NAV3: variants seen among roughly 807,000 people sequenced by gnomAD.
NAV3 encodes neuron navigator 3.
A neutral mutation model predicts 244.7 loss-of-function variants in NAV3; 87 were observed. The observed-to-expected ratio is 0.36, with a 90% confidence interval of 0.30 to 0.42. The LOEUF is 0.42. Among genes scored for constraint, NAV3 ranks in the 20% least tolerant of loss-of-function variants. The pLI, the probability that NAV3 is intolerant of heterozygous loss-of-function variation, is 1.00. For missense variants in NAV3, 2,663 were observed against 2,893.3 expected (o/e 0.92, Z 1.83); for synonymous variants, 1,126 against 1,042.2 (o/e 1.08, Z -1.55).
chr12:78,181,685 G>T (rs1958504376), intron 30 of NAV3, among the ~76,000 whole-genome samples: 1 of 151,986 alleles, frequency 6.6e-6, no homozygotes, highest in Non-Finnish European at 1.5e-5. Context: ...CAAGGATAGA[G>T]AATTTAGTCT....
intron 2 of NAV3, among the ~76,000 whole-genome samples, chr12:77,727,460 C>T (rs1876928422): frequency 6.6e-6 from 1 of 151,750 alleles, no homozygotes; most frequent in Admixed American, 6.6e-5. Context: ...GAATCATTGA[C>T]CCCTTTTTGT....
At chr12:78,090,954 C>CTCTGTG (rs1302532736) in intron 12 of NAV3, among the ~76,000 whole-genome samples, 5 of 142,560 alleles carry the variant, frequency 3.5e-5, no homozygotes, top group African/African-American at 1.3e-4. Flanking sequence ...GTGCTGTATT[C>CTCTGTG]TGTGTGTGTG....
intron 12 of NAV3, among the ~76,000 whole-genome samples, chr12:78,103,436 C>A (rs1370029841): frequency 1.3e-5 from 2 of 152,184 alleles, no homozygotes; most frequent in African/African-American, 4.8e-5. Context: ...AACTTTCCCA[C>A]ATTTTCCTGT....
intron 2 of NAV3, among the ~76,000 whole-genome samples, chr12:77,619,767 G>T (rs756161536): frequency 2.7e-5 from 4 of 148,582 alleles, no homozygotes; most frequent in African/African-American, 4.9e-5. Context: ...TGTGTCTCAC[G>T]TTTTTTTTTT....
chr12:77,713,164 G>A (rs182228806), intron 2 of NAV3, among the ~76,000 whole-genome samples: 116 of 152,256 alleles, frequency 7.6e-4, no homozygotes, highest in East Asian at 2.5e-3. Context: ...TGCTCTGTGC[G>A]TTTGCACATT....
chr12:77,789,749 G>T (rs61935809), intron 2 of NAV3, among the ~76,000 whole-genome samples: 276 of 148,934 alleles, frequency 1.9e-3, no homozygotes, highest in Non-Finnish European at 2.7e-3. Context: ...GGCGGACGTT[G>T]CAGTGAGCTG....
chr12:77,831,221 G>GAGAA lies in NAV3; in HGVS notation c.-238_-237insAAGA, dbSNP rs1873637731. On this transcript the variant is annotated 5_prime_UTR_variant, in exon 1 of 40. Coordinates refer to ENST00000397909, the MANE Select transcript of NAV3 (RefSeq NM_001024383.2). The stretch of plus-strand genomic sequence containing the variant: ...AGAGAGAGAGAGAGAGAGAGAGAAA[G>GAGAA]AGAGAGAGAGAGAGAATGAGAATGA... The GAGAA allele has an allele frequency of 1.8e-4, 43 of 234,420 alleles. No homozygotes were observed. Among genetic ancestry groups the GAGAA allele is most frequent in the Middle Eastern group, 1.5e-3 (1 of 682 alleles). 14.5% of individuals were successfully genotyped at this position (234,420 alleles called of 1,614,324 possible). A position where few individuals can be genotyped will look rare whatever the true frequency, so the allele number is the denominator to read the frequency against.
intron 2 of NAV3, among the ~76,000 whole-genome samples, chr12:77,679,286 C>T (rs927737529): frequency 3.3e-5 from 5 of 151,956 alleles, no homozygotes; most frequent in South Asian, 2.1e-4. Flanking sequence ...GGAAACAACA[C>T]GAAGGATAGG....
chr12:78,172,724 G>A (rs1958055978), intron 24 of NAV3, among the ~76,000 whole-genome samples: 1 of 151,484 alleles, frequency 6.6e-6, no homozygotes, highest in African/African-American at 2.4e-5. Context: ...GTTCCTTTAT[G>A]GAACTAATGT....
intron 12 of NAV3, among the ~76,000 whole-genome samples, chr12:78,075,554 G>A (rs933548543): frequency 1.3e-5 from 2 of 152,126 alleles, no homozygotes; most frequent in African/African-American, 4.8e-5. Context: ...GGATTTGGGG[G>A]TTATGGAGTC....
chr12:77,644,649 T>C (rs1872546113), intron 2 of NAV3, among the ~76,000 whole-genome samples: 1 of 152,138 alleles, frequency 6.6e-6, no homozygotes, highest in South Asian at 2.1e-4. Flanking sequence ...TACTGTGTCT[T>C]GGCTTTTCCT....
At chr12:78,096,389 C>G (rs1000504595) in intron 12 of NAV3, among the ~76,000 whole-genome samples, 1 of 152,102 alleles carries the variant, frequency 6.6e-6, no homozygotes, top group Non-Finnish European at 1.5e-5. Flanking sequence ...TATAAAAGCT[C>G]TCTGTTTGAG....
intron 1 of NAV3, among the ~76,000 whole-genome samples, chr12:77,937,099 G>A (rs796484202): frequency 4.6e-5 from 7 of 152,192 alleles, no homozygotes; most frequent in African/African-American, 1.7e-4. Context: ...AAGTATGGAA[G>A]ACACAGCTGT....
intron 2 of NAV3, among the ~76,000 whole-genome samples, chr12:77,699,348 A>G (rs1406195409): frequency 1.1e-4 from 16 of 152,112 alleles, no homozygotes; most frequent in Non-Finnish European, 7.4e-5. Flanking sequence ...TGATTCCCCA[A>G]TGAAATCTTG....
intron 2 of NAV3, among the ~76,000 whole-genome samples, chr12:77,672,115 TAAA>T (rs1182199773): frequency 1.3e-5 from 2 of 151,966 alleles, no homozygotes; most frequent in Non-Finnish European, 2.9e-5. Flanking sequence ...AGACAATTCT[TAAA>T]AGAAGATATA....
intron 12 of NAV3, among the ~76,000 whole-genome samples, chr12:78,098,174 T>C (rs1399364759): frequency 6.6e-6 from 1 of 152,082 alleles, no homozygotes; most frequent in African/African-American, 2.4e-5. Flanking sequence ...CACTAATACA[T>C]GAATAAAACT....
chr12:77,920,854 C>T (rs899099043), intron 1 of NAV3, among the ~76,000 whole-genome samples: 7 of 152,002 alleles, frequency 4.6e-5, no homozygotes, highest in Non-Finnish European at 5.9e-5. Context: ...ATGACTGATT[C>T]GTCCTGTGAA....
intron 2 of NAV3, among the ~76,000 whole-genome samples, chr12:77,804,645 G>C (rs145265053): frequency 6.6e-6 from 1 of 151,780 alleles, no homozygotes; most frequent in East Asian, 1.9e-4. Context: ...GATTGTCTTG[G>C]ATATACGGGC....
intron 2 of NAV3, among the ~76,000 whole-genome samples, chr12:77,641,125 C>T (rs1053919577): frequency 2.0e-5 from 3 of 152,088 alleles, no homozygotes; most frequent in Non-Finnish European, 2.9e-5. Flanking sequence ...GTTTACATTC[C>T]TCAGATCAAA....
Sources: gnomAD v4.1 joint callset for allele counts (sites outside exome capture counted in the v4.1 genomes callset) on GRCh38, gnomAD v4.1.1 for gene constraint, MANE v1.5 for transcripts, NCBI Gene and HGNC (gene_info 2026-07-23, HGNC 2026-07-21) for gene names.